The following SERPINB1 variants were observed in gnomAD, a reference collection of about 807,000 sequenced individuals.
SERPINB1 encodes serpin family B member 1, also known as leukocyte elastase inhibitor.
A neutral mutation model predicts 25.9 loss-of-function variants in SERPINB1; 23 were observed. The ratio of observed to expected loss-of-function variants is 0.89; its 90% CI spans 0.64 to 1.26. SERPINB1 has a LOEUF of 1.26. Ranked by LOEUF, SERPINB1 falls within the 50% of genes most tolerant of loss-of-function variation. The pLI is 0.00. For synonymous variants in SERPINB1, 178 were observed against 178.7 expected (o/e 1.00, Z 0.03); for missense variants, 399 against 463.6 (o/e 0.86, Z 1.28).
At chr6:2,836,082 G>A (rs1397512459) in intron 5 of SERPINB1, 26 bp downstream of exon 5, 3 of 1,613,644 alleles carry the variant, frequency 1.9e-6, no homozygotes, top group Admixed American at 1.7e-5. Flanking sequence ...AGCAATGCAT[G>A]ACTCTGTACA....
In SERPINB1 at chr6:2,836,038, A is replaced by T. The variant is rs747730586; in HGVS notation, c.568-15T>A. 1 of 1,613,986 alleles carries T rather than the reference A, an allele frequency of 6.2e-7. No homozygotes were observed. Among genetic ancestry groups the T allele is most frequent in the South Asian group, 1.1e-5 (1 of 91,076 alleles). ...TTTCTGTCTTTCTGAACAGTTTTAA[A>T]AAATCACTGAAATTATTCTCTGCAT... is the stretch of plus-strand genomic sequence containing the variant. On this transcript the variant is annotated splice_polypyrimidine_tract_variant and intron_variant, in intron 5 of 6. Transcript: ENST00000380739.
chr6:2,838,088 G>T, intron 3 of SERPINB1, 89 bp from the exon 4 acceptor site: 1 of 878,354 alleles, frequency 1.1e-6, no homozygotes, highest in South Asian at 1.7e-5. Context: ...AACAGAAATT[G>T]TCCTAAAAGG....
chr6:2,833,635 T>C lies in SERPINB1; in HGVS notation c.1113A>G (p.Leu371=). The C allele has an allele frequency of 1.2e-6, 2 of 1,611,352 alleles. No homozygotes were observed. The highest frequency in any genetic ancestry group is 1.7e-6 in the Non-Finnish European group (2 of 1,178,094). ...AAGGGGAAGAAAATCTCCCCAAGAA[T>C]AGGATGCTACCTGAGGAATTATGCC... ...FIRHNSSGSI[L]FLGRFSSP is the part of the protein sequence containing the mutation. Residue 371 remains leucine (L), a synonymous_variant, in exon 7 of 7, where the codon CTA becomes CTG. Transcript: ENST00000380739.
chr6:2,833,740 G>A lies in SERPINB1; in HGVS notation c.1008C>T (p.Ala336=). 6.2e-7 allele frequency: 1 copy of A among 1,613,816 alleles called. No individual in the cohort carries two copies. Among genetic ancestry groups the A allele is most frequent in the Non-Finnish European group, 8.5e-7 (1 of 1,179,954 alleles). The change falls in exon 7 of 7, where the codon GCC becomes GCT. Residue 336 remains alanine, a synonymous_variant. Transcript: ENST00000380739. ...TGCAGAAAGTTGCGATGCCTGCTGT[G>A]GCAGCTGCCGCCTCTGTTCCCTCTT... ...VNEEGTEAAA[A]TAGIATFCML...
rs756646849 is a variant in SERPINB1 at position 2,837,524 on chromosome 6, G to T, written c.424+358C>A. Among the ~76,000 whole-genome samples the T allele has an allele frequency of 6.6e-6, 1 of 152,074 alleles. No individual in the cohort carries two copies. Among genetic ancestry groups the T allele is most frequent in the Admixed American group, 6.6e-5 (1 of 15,266 alleles). ...TTGAACTCCTGACCTCAAATGATCCGCCCGCCTTGGGCTCCCAAAGTGCTG... is the reference window on the plus strand; with the variant it reads ...TTGAACTCCTGACCTCAAATGATCCTCCCGCCTTGGGCTCCCAAAGTGCTG... On this transcript the variant is annotated intron_variant, in intron 4 of 6. Transcript: ENST00000380739. This position sits in a 1 kb window ranked among gnomAD's most constrained non-coding sequence, Gnocchi z 4.3.
chr6:2,835,929 T>C lies in SERPINB1; in HGVS notation c.662A>G (p.Tyr221Cys). 1 of 1,614,212 alleles carries C rather than the reference T, an allele frequency of 6.2e-7. No homozygotes were observed. The highest frequency in any genetic ancestry group is 2.2e-5 in the East Asian group (1 of 44,890). ...GACCATGCTGAGCTCCTCGCCTTGGTAAGGCAGTTCCAGCACACGGCACTT... is the reference window on the plus strand; with the variant it reads ...GACCATGCTGAGCTCCTCGCCTTGGCAAGGCAGTTCCAGCACACGGCACTT... ...DLKCRVLELP[Y>C]QGEELSMVIL... The change falls in exon 6 of 7, where the codon TAC becomes TGC. Residue 221 changes from tyrosine to cysteine, a missense_variant. Transcript: ENST00000380739.
At chr6:2,840,274 G>A in intron 2 of SERPINB1, 145 bp downstream of exon 2, 3 of 934,928 alleles carry the variant, frequency 3.2e-6, no homozygotes, top group Non-Finnish European at 4.8e-6. Flanking sequence ...CTGCATACAA[G>A]TGTGACTTTT....
chr6:2,835,312 A>G (rs1309561081), intron 6 of SERPINB1, among the ~76,000 whole-genome samples: 1 of 152,232 alleles, frequency 6.6e-6, no homozygotes, highest in African/African-American at 2.4e-5. Context: ...TGATGAGAAC[A>G]AACAGTGTAA....
chr6:2,839,403 A>G, intron 2 of SERPINB1: 1 of 985,240 alleles, frequency 1.0e-6, no homozygotes, highest in Non-Finnish European at 1.2e-6. Context: ...AGGAGTCCTT[A>G]AAACTATTCT....
rs561079644 is a variant in SERPINB1, at chr6:2,841,233, C to G, written c.-9+579G>C. On this transcript the variant is annotated intron_variant, in intron 1 of 6. Coordinates refer to ENST00000380739, the MANE Select transcript of SERPINB1 (RefSeq NM_030666.4). The surrounding 1 kb of genome is among the most constrained non-coding windows in gnomAD (Gnocchi z 4.5). The stretch of plus-strand genomic sequence containing the variant: ...AAACCCACCACAGTCCAGGGTCTGG[C>G]CGTGCAGCGTCCCATCCGCCACCCA... 2 of 152,440 alleles carry G rather than the reference C, an allele frequency of 1.3e-5. No homozygotes were observed. Among genetic ancestry groups the G allele is most frequent in the Admixed American group, 6.5e-5 (1 of 15,302 alleles). The allele number at this position is 152,440 out of a possible 1,614,324, so 9.4% of individuals were successfully genotyped here. A position where few individuals can be genotyped will look rare whatever the true frequency, so the allele number is the denominator to read the frequency against.
intron 1 of SERPINB1, among the ~76,000 whole-genome samples, chr6:2,840,872 G>A (rs962767765): frequency 1.3e-5 from 2 of 152,284 alleles, no homozygotes; most frequent in East Asian, 1.9e-4. Flanking sequence ...GAGTCTGGGG[G>A]TGGGGCGGGG....
chr6:2,836,352 T>C, intron 4 of SERPINB1, 102 bp from the exon 5 acceptor site: 1 of 1,226,772 alleles, frequency 8.2e-7, no homozygotes. Context: ...ATATAATTTC[T>C]ACTTAATTTT....
intron 2 of SERPINB1, 80 bp from the exon 3 acceptor site, chr6:2,838,766 A>G: frequency 8.9e-7 from 1 of 1,127,744 alleles, no homozygotes; most frequent in Non-Finnish European, 1.2e-6. Flanking sequence ...CTTCTATCAC[A>G]TTAAATTAAT....
Position 2,837,573 on chromosome 6 carries a change from G to A in SERPINB1, c.424+309C>T, listed in dbSNP as rs1322361894. The stretch of plus-strand genomic sequence containing the variant: ...TGGGATTACAGGCATGAGCCACCGC[G>A]CCTGCCAATGTTGGTTTTAACTTTG... On this transcript the variant is annotated intron_variant, in intron 4 of 6. Transcript: ENST00000380739. This position sits in a 1 kb window ranked among gnomAD's most constrained non-coding sequence, Gnocchi z 4.3. 5.3e-5 allele frequency among the ~76,000 whole-genome samples: 8 copies of A among 152,194 alleles called. No homozygotes were observed. Among genetic ancestry groups the A allele is most frequent in the Non-Finnish European group, 7.3e-5 (5 of 68,030 alleles).
rs376235247 is a variant in SERPINB1, at chr6:2,838,648, T to A, written c.207A>T (p.Arg69Ser). The change falls in exon 3 of 7, where the codon AGA becomes AGT. Residue 69 changes from arginine (R) to serine (S), a missense_variant. Coordinates refer to ENST00000380739, the MANE Select transcript of SERPINB1 (RefSeq NM_030666.4). Reference sequence around the variant, plus strand: ...TGATATCAGCATTCAGACTCTGGAATCTTGAATGAACCTCTTCAACCGTGT... The same window carrying A: ...TGATATCAGCATTCAGACTCTGGAAACTTGAATGAACCTCTTCAACCGTGT... ...HFNTVEEVHS[R>S]FQSLNADINK... 14 of 1,608,410 alleles carry A rather than the reference T, an allele frequency of 8.7e-6. No homozygotes were observed. Among genetic ancestry groups the A allele is most frequent in the Non-Finnish European group, 1.1e-5 (13 of 1,177,548 alleles).
rs1220330453 is a variant in SERPINB1 at position 2,833,824 on chromosome 6, T to C, written c.924A>G (p.Ser308=). ...NSSKADLSGM[S]GARDIFISKI... ...TTGATATAAAAATATCTCTGGCTCC[T>C]GACATGCCAGACAGATCAGCCTTGC... The change falls in exon 7 of 7, where the codon TCA becomes TCG. Residue 308 remains serine (S), a synonymous_variant. Transcript: ENST00000380739. The C allele has an allele frequency of 6.2e-7, 1 of 1,614,176 alleles. No homozygotes were observed. The highest frequency in any genetic ancestry group is 8.5e-7 in the Non-Finnish European group (1 of 1,180,014).
chr6:2,833,476 T>A lies in SERPINB1; in HGVS notation c.*132A>T. 1 of 938,220 alleles carries A rather than the reference T, an allele frequency of 1.1e-6. No individual in the cohort carries two copies. The highest frequency in any genetic ancestry group is 1.5e-6 in the Non-Finnish European group (1 of 664,102). The allele number at this position is 938,220 out of a possible 1,614,324, so 58.1% of individuals were successfully genotyped here. A position where few individuals can be genotyped will look rare whatever the true frequency, so the allele number is the denominator to read the frequency against. On this transcript the variant is annotated 3_prime_UTR_variant, in exon 7 of 7. Transcript: ENST00000380739. Reference sequence around the variant, plus strand: ...GTGTAAACAGCCAACAGAGCCAAACTTACAAAGAAAATGAAAGACTTGTTT... The same window carrying A: ...GTGTAAACAGCCAACAGAGCCAAACATACAAAGAAAATGAAAGACTTGTTT...
chr6:2,837,020 G>A lies in SERPINB1; in HGVS notation c.425-770C>T, dbSNP rs1043528787. Among the ~76,000 whole-genome samples, 1 of 152,178 alleles carries A rather than the reference G, an allele frequency of 6.6e-6. No individual in the cohort carries two copies. Among genetic ancestry groups the A allele is most frequent in the Non-Finnish European group, 1.5e-5 (1 of 68,036 alleles). Reference sequence around the variant, plus strand: ...TACAGGGCTATGTAAGAAGAGAGATGTAGCAAAGAAATAAATTGCACCCTA... The same window carrying A: ...TACAGGGCTATGTAAGAAGAGAGATATAGCAAAGAAATAAATTGCACCCTA... On this transcript the variant is annotated intron_variant, in intron 4 of 6. Transcript: ENST00000380739. This position sits in a 1 kb window ranked among gnomAD's most constrained non-coding sequence, Gnocchi z 4.3.
At chr6:2,836,747 T>C (rs1205304582) in intron 4 of SERPINB1, among the ~76,000 whole-genome samples, 1 of 135,592 alleles carries the variant, frequency 7.4e-6, no homozygotes, top group Non-Finnish European at 1.7e-5. Flanking sequence ...CCCAGTGCTT[T>C]GGGAGGTGGA....
Sources: allele counts gnomAD v4.1 joint callset (sites outside exome capture counted in the v4.1 genomes callset), GRCh38; gene constraint gnomAD v4.1.1; non-coding constraint Gnocchi (gnomAD v3.1); transcripts MANE v1.5; gene names NCBI Gene and HGNC (gene_info 2026-07-23, HGNC 2026-07-21).